The following LARGE1 variants were observed in gnomAD, a reference collection of about 807,000 sequenced individuals.
LARGE1 encodes the protein LARGE xylosyl- and glucuronyltransferase 1.
A neutral mutation model predicts 87.6 loss-of-function variants in LARGE1; 43 were observed. The observed-to-expected ratio is 0.49, with a 90% CI of 0.38 to 0.63. LARGE1 has a LOEUF of 0.63. Ranked by LOEUF, LARGE1 falls within the 30% of genes least tolerant of loss-of-function variation. LARGE1 has a pLI of 0.00. For missense variants in LARGE1, 802 were observed against 1,000.2 expected, an observed-to-expected ratio of 0.80 and a Z score of 2.67; for synonymous variants, 434 against 394.6, an observed-to-expected ratio of 1.10 and a Z score of -1.18.
chr22:33,540,377 T>C (rs2077159249), intron 6 of LARGE1, among the ~76,000 whole-genome samples: 1 of 152,236 alleles, frequency 6.6e-6, no homozygotes, highest in Non-Finnish European at 1.5e-5. Flanking sequence ...TGCTTGATCC[T>C]ATGACCAGCC....
At chr22:33,661,817 T>A (rs1287636384) in intron 2 of LARGE1, among the ~76,000 whole-genome samples, 1 of 152,108 alleles carries the variant, frequency 6.6e-6, no homozygotes, top group African/African-American at 2.4e-5. Flanking sequence ...TGCATCAGAA[T>A]TGAACTATGG....
chr22:33,604,561 G>A lies in LARGE1; in HGVS notation c.492-3C>T, dbSNP rs1222657512. ...GGTGGAAGTGCAGAGGGTTCCGTCT[G>A]TGGGGAGTGTGAGAAGGAAGGGTCA... On this transcript the variant is annotated splice_polypyrimidine_tract_variant and splice_region_variant and intron_variant, in intron 4 of 14. Transcript: ENST00000397394. The A allele has an allele frequency of 1.2e-6, 2 of 1,614,062 alleles. No individual in the cohort carries two copies. The highest frequency in any genetic ancestry group is 1.7e-6 in the Non-Finnish European group (2 of 1,179,964).
intron 2 of LARGE1, among the ~76,000 whole-genome samples, chr22:33,652,458 G>A (rs1306515858): frequency 6.6e-6 from 1 of 151,938 alleles, no homozygotes; most frequent in Non-Finnish European, 1.5e-5. Context: ...TTACTGTTCA[G>A]GAGCCCCAGT....
chr22:33,572,228 T>C (rs1252394029), intron 5 of LARGE1: 12 of 1,280,982 alleles, frequency 9.4e-6, no homozygotes, highest in Non-Finnish European at 1.1e-5. Context: ...AGCTGCAGAA[T>C]GTTTGAAAAG....
chr22:33,770,663 C>A (rs2085039058), intron 1 of LARGE1, among the ~76,000 whole-genome samples: 1 of 151,916 alleles, frequency 6.6e-6, no homozygotes, highest in Non-Finnish European at 1.5e-5. Flanking sequence ...CCAGCCTGGG[C>A]AACAGAGTGA....
rs1555898776 is a variant in LARGE1 at position 33,337,708 on chromosome 22, C to T, written c.1225G>A (p.Gly409Ser). 2 of 1,614,112 alleles carry T rather than the reference C, an allele frequency of 1.2e-6. No individual in the cohort carries two copies. The highest frequency in any genetic ancestry group is 1.7e-6 in the Non-Finnish European group (2 of 1,180,028). ...NLYLTFLEYD[G>S]NLLRRELFGC... is the part of the protein sequence containing the mutation. ...AACAGTTCCCGCCTCAGAAGATTGC[C>T]GTCATACTCCAGGAAGGTCAGGTAG... The change falls in exon 10 of 15, where the codon GGC becomes AGC. Residue 409 changes from glycine to serine, a missense_variant. Coordinates refer to ENST00000397394, the MANE Select transcript of LARGE1 (RefSeq NM_133642.5).
chr22:33,337,010 A>C (rs1343723881), intron 10 of LARGE1, among the ~76,000 whole-genome samples: 1 of 151,644 alleles, frequency 6.6e-6, no homozygotes, highest in Non-Finnish European at 1.5e-5. Flanking sequence ...GCAGTGAGCC[A>C]AGATCACGCC....
chr22:33,427,361 G>C (rs16992326), intron 7 of LARGE1, among the ~76,000 whole-genome samples: 1,929 of 152,330 alleles, frequency 0.013, 42 homozygotes, highest in African/African-American at 0.045. Flanking sequence ...ATTAAGTTGG[G>C]AACAGCTCTA....
At chr22:33,645,322 G>A (rs909186809) in intron 3 of LARGE1, among the ~76,000 whole-genome samples, 4 of 152,114 alleles carry the variant, frequency 2.6e-5, no homozygotes, top group Non-Finnish European at 4.4e-5. Flanking sequence ...TGACAAACCT[G>A]ACAAAAACAA....
chr22:33,582,329 A>G (rs936976824), intron 5 of LARGE1, among the ~76,000 whole-genome samples: 2 of 152,156 alleles, frequency 1.3e-5, no homozygotes, highest in African/African-American at 4.8e-5. Context: ...GGTACAGGAG[A>G]GTACACATTT....
intron 6 of LARGE1, among the ~76,000 whole-genome samples, chr22:33,502,751 TAG>T (rs1324393685): frequency 6.6e-6 from 1 of 152,086 alleles, no homozygotes; most frequent in East Asian, 1.9e-4. Context: ...GTGTTTTTAG[TAG>T]AGACAAGGTT....
chr22:33,566,824 T>C (rs780255590), intron 5 of LARGE1, among the ~76,000 whole-genome samples: 2 of 152,206 alleles, frequency 1.3e-5, no homozygotes, highest in Non-Finnish European at 2.9e-5. Context: ...AGAGCACTGA[T>C]GGTACATTTT....
At position 33,361,193 on chromosome 22, in the gene LARGE1, G is replaced by C. The variant is rs1016555053; in HGVS notation, c.1131+20726C>G. Among the ~76,000 whole-genome samples, 4 of 149,072 alleles carry C rather than the reference G, an allele frequency of 2.7e-5. 1 individual carries two copies. Among genetic ancestry groups the C allele is most frequent in the African/African-American group, 9.9e-5 (4 of 40,482 alleles). On this transcript the variant is annotated intron_variant, in intron 9 of 14. Transcript: ENST00000397394. ...CCATTGCACTCCAGCCTGGGTGACAGAGCAAGACTGTTTAAAAAAATAATA... is the reference window on the plus strand; with the variant it reads ...CCATTGCACTCCAGCCTGGGTGACACAGCAAGACTGTTTAAAAAAATAATA...
At chr22:33,521,653 T>C (rs1462796371) in intron 6 of LARGE1, among the ~76,000 whole-genome samples, 5 of 152,178 alleles carry the variant, frequency 3.3e-5, no homozygotes, top group Non-Finnish European at 7.3e-5. Context: ...AAGTAACCGA[T>C]GTAGGCAGGG....
At chr22:33,340,562 A>C (rs780499468) in intron 9 of LARGE1, among the ~76,000 whole-genome samples, 2 of 151,918 alleles carry the variant, frequency 1.3e-5, no homozygotes, top group Non-Finnish European at 2.9e-5. Flanking sequence ...GGCTCAGCCC[A>C]GTGCAACGGC....
chr22:33,728,551 C>CAAAAAAAA (rs57790780), intron 2 of LARGE1, among the ~76,000 whole-genome samples: 6 of 37,470 alleles, frequency 1.6e-4, no homozygotes, highest in Admixed American at 3.9e-4. Flanking sequence ...CCCCTACCAC[C>CAAAAAAAA]AAAAAAAAAA....
At chr22:33,860,586 A>C (rs2063887683) in intron 1 of LARGE1, among the ~76,000 whole-genome samples, 1 of 152,180 alleles carries the variant, frequency 6.6e-6, no homozygotes, top group Non-Finnish European at 1.5e-5. Flanking sequence ...AAAGCGACCC[A>C]GCCTCTCTGA....
At chr22:33,515,410 T>G (rs756221035) in intron 6 of LARGE1, among the ~76,000 whole-genome samples, 5 of 152,140 alleles carry the variant, frequency 3.3e-5, no homozygotes, top group Admixed American at 1.3e-4. Flanking sequence ...AAAGGTAAAC[T>G]CCGGAGGGTC....
intron 1 of LARGE1, among the ~76,000 whole-genome samples, chr22:33,766,910 A>G (rs2084919049): frequency 1.3e-5 from 1 of 78,338 alleles, no homozygotes; most frequent in African/African-American, 4.8e-5. Flanking sequence ...ATTTAAACAT[A>G]TACATATATA....
Sources: allele counts gnomAD v4.1 joint callset (sites outside exome capture counted in the v4.1 genomes callset), GRCh38; gene constraint gnomAD v4.1.1; transcripts MANE v1.5; gene names NCBI Gene and HGNC (gene_info 2026-07-23, HGNC 2026-07-21).